The following SH3GLB2 variants were observed in gnomAD, a reference collection of about 807,000 sequenced individuals.
SH3GLB2 encodes SH3 domain containing GRB2 like, endophilin B2, also known as endophilin-B2.
A neutral mutation model predicts 48.0 loss-of-function variants in SH3GLB2; 24 were observed. That is an observed-to-expected ratio of 0.50 (90% CI 0.36 to 0.70). SH3GLB2 has a LOEUF of 0.70. Ranked by LOEUF, SH3GLB2 falls within the 30% of genes least tolerant of loss-of-function variation. The probability of loss-of-function intolerance (pLI) is 0.00; values close to 1 mark genes in which losing one functional copy is unlikely to be tolerated. For missense variants in SH3GLB2, 425 were observed against 516.0 expected (o/e 0.82, Z 1.71); for synonymous variants, 227 against 207.6 (o/e 1.09, Z -0.80).
At chr9:129,020,294 TG>T (rs1309156527) in intron 3 of SH3GLB2, among the ~76,000 whole-genome samples, 4 of 134,380 alleles carry the variant, frequency 3.0e-5, no homozygotes, top group Middle Eastern at 5.2e-3. Flanking sequence ...ATAGGCCAGG[TG>T]CGGTGGCTCA....
At chr9:129,026,282 G>A (rs973312596) in intron 1 of SH3GLB2, among the ~76,000 whole-genome samples, 1 of 152,166 alleles carries the variant, frequency 6.6e-6, no homozygotes, top group Non-Finnish European at 1.5e-5. Flanking sequence ...CCCATCACAT[G>A]TATTGATCAT....
In SH3GLB2 at chr9:129,013,135, C is replaced by T. The variant is rs573909596; in HGVS notation, c.562-837G>A. 87 of 1,204,674 alleles carry T rather than the reference C, an allele frequency of 7.2e-5. No homozygotes were observed. In the African/African-American group the frequency reaches 1.0e-3, roughly 14 times the overall value. The allele number at this position is 1,204,674 out of a possible 1,614,324, so 74.6% of individuals were successfully genotyped here. A position where few individuals can be genotyped will look rare whatever the true frequency, so the allele number is the denominator to read the frequency against. On this transcript the variant is annotated intron_variant, in intron 5 of 10. Coordinates refer to ENST00000372564, the MANE Select transcript of SH3GLB2 (RefSeq NM_020145.4). ...CCAGTGGGAGGGGACACCAGGCGGT[C>T]GGGCGGAGGGAGGCACCACAGCCTG...
rs1326028679 is a variant in SH3GLB2 at position 129,014,536 on chromosome 9, T to C, written c.469-33A>G. On this transcript the variant is annotated intron_variant, in intron 4 of 10. Coordinates refer to ENST00000372564, the MANE Select transcript of SH3GLB2 (RefSeq NM_020145.4). The surrounding 1 kb of genome is among the most constrained non-coding windows in gnomAD (Gnocchi z 4.1). ...GCAGGGCATGGGGACAGTGAGACCC[T>C]GGGCTGCCCTGGGAGACCCTGAGCC... 11 of 1,546,688 alleles carry C rather than the reference T, an allele frequency of 7.1e-6. No homozygotes were observed. In the Admixed American group the frequency reaches 9.8e-5, roughly 14 times the overall value.
At chr9:129,020,255 AAT>A (rs1209614148) in intron 3 of SH3GLB2, among the ~76,000 whole-genome samples, 1 of 149,038 alleles carries the variant, frequency 6.7e-6, no homozygotes, top group Admixed American at 6.8e-5. Context: ...GATAGCACAC[AAT>A]ATGATTCCAT....
At position 129,016,341 on chromosome 9, in the gene SH3GLB2, TTAAAA is replaced by T. The variant is rs1489728148; in HGVS notation, c.335-1442_335-1438del. 3.1e-3 allele frequency among the ~76,000 whole-genome samples: 343 copies of T among 111,116 alleles called. 13 individuals are homozygous for T. Among genetic ancestry groups the T allele is most frequent in the African/African-American group, 0.011 (299 of 27,310 alleles). 72.9% of individuals were successfully genotyped at this position (111,116 alleles called of 152,430 possible). The stretch of plus-strand genomic sequence containing the variant: ...CTGGGCAACAAGAGCAAGACTGTCT[TTAAAA>T]AAAAAAAAAAAAAAAAAAAAAAAAA... On this transcript the variant is annotated intron_variant, in intron 3 of 10. Coordinates refer to ENST00000372564, the MANE Select transcript of SH3GLB2 (RefSeq NM_020145.4).
rs1273865083 is a variant in SH3GLB2, at chr9:129,014,876, A to C, written c.363T>G (p.Ala121=). 1 of 1,613,916 alleles carries C rather than the reference A, an allele frequency of 6.2e-7. No individual in the cohort carries two copies. The highest frequency in any genetic ancestry group is 8.5e-7 in the Non-Finnish European group (1 of 1,180,028). Residue 121 remains alanine, a synonymous_variant, in exon 4 of 11, where the codon GCT becomes GCG. Coordinates refer to ENST00000372564, the MANE Select transcript of SH3GLB2 (RefSeq NM_020145.4). This position sits in a 1 kb window ranked among gnomAD's most constrained non-coding sequence, Gnocchi z 4.1. ...TCTCCGCGGCTCCCAGTTGCTTTTC[A>C]GCTTCTGCCACCTTGATCAGTGTCT... ...YGKTLIKVAE[A]EKQLGAAERD...
intron 10 of SH3GLB2, 46 bp from the exon 11 acceptor site, chr9:129,008,837 G>T: frequency 6.4e-7 from 1 of 1,565,712 alleles, no homozygotes. Context: ...GCCAAGGGTG[G>T]AACTGGCCCC....
intron 2 of SH3GLB2, 100 bp from the exon 3 acceptor site, chr9:129,021,319 G>C (rs1434274573): frequency 7.1e-7 from 1 of 1,401,622 alleles, no homozygotes; most frequent in East Asian, 2.5e-5. Context: ...AGGTGCACCT[G>C]GCCTGCTGAC....
In SH3GLB2 at chr9:129,009,003, A is replaced by C; in HGVS notation, c.1080+103T>G. On this transcript the variant is annotated intron_variant, in intron 10 of 10. Coordinates refer to ENST00000372564, the MANE Select transcript of SH3GLB2 (RefSeq NM_020145.4). ...TGCCCTCTTTAACCTGCTGGTCCCC[A>C]CTTTGCCAACAGGGCCCCTCCAGGC... The C allele has an allele frequency of 3.2e-6, 5 of 1,551,664 alleles. No individual in the cohort carries two copies. In the Admixed American group the frequency reaches 8.9e-5, roughly 28 times the overall value.
In SH3GLB2 at chr9:129,009,138, C is replaced by A; in HGVS notation, c.1048G>T (p.Asp350Tyr). Reference protein sequence around the residue: ...ARVLYDYEAADSSELALLADE... With the variant: ...ARVLYDYEAAYSSELALLADE... Reference sequence around the variant, plus strand: ...GCCAGCAGGGCCAGCTCACTGCTGTCGGCTGCCTCGTAGTCATAGAGCACC... The same window carrying A: ...GCCAGCAGGGCCAGCTCACTGCTGTAGGCTGCCTCGTAGTCATAGAGCACC... The change falls in exon 10 of 11, where the codon GAC becomes TAC. Residue 350 changes from aspartate (D) to tyrosine (Y), a missense_variant. Transcript: ENST00000372564. 6.2e-7 allele frequency: 1 copy of A among 1,610,600 alleles called. No homozygotes were observed. The highest frequency in any genetic ancestry group is 1.1e-5 in the South Asian group (1 of 91,074).
chr9:129,023,710 G>A (rs1588338137), intron 1 of SH3GLB2, among the ~76,000 whole-genome samples: 1 of 152,130 alleles, frequency 6.6e-6, no homozygotes, highest in African/African-American at 2.4e-5. Flanking sequence ...GCCACCAGGA[G>A]CTCAGCAGCC....
intron 3 of SH3GLB2, among the ~76,000 whole-genome samples, chr9:129,016,248 C>T (rs1448177928): frequency 6.9e-6 from 1 of 144,912 alleles, no homozygotes; most frequent in Non-Finnish European, 1.5e-5. Context: ...GAGACTGAGG[C>T]AGGAGAATTG....
rs560359496 is a variant in SH3GLB2 at position 129,028,162 on chromosome 9, CCGCACGGCCGCCG to C, written c.-21_-9del. 6,500 of 1,445,482 alleles carry C rather than the reference CCGCACGGCCGCCG, an allele frequency of 4.5e-3. 53 individuals carry two copies. Among genetic ancestry groups the C allele is most frequent in the African/African-American group, 0.037 (2,496 of 67,380 alleles). The allele number at this position is 1,445,482 out of a possible 1,614,324, so 89.5% of individuals were successfully genotyped here. On this transcript the variant is annotated 5_prime_UTR_variant, in exon 1 of 11. Transcript: ENST00000372564. ...CTTCATGTTGAAGTCCATGGCGTGC[CCGCACGGCCGCCG>C]CGCACGGCCCGAGCGCAGCCGGCAG...
chr9:129,020,906 A>AC (rs1240294706), intron 3 of SH3GLB2, among the ~76,000 whole-genome samples, 185 bp downstream of exon 3: 3 of 146,128 alleles, frequency 2.1e-5, no homozygotes, highest in African/African-American at 7.7e-5. Flanking sequence ...CACACACACA[A>AC]ACCAAAACTG....
At chr9:129,020,749 A>G (rs1209101607) in intron 3 of SH3GLB2, among the ~76,000 whole-genome samples, 1 of 151,946 alleles carries the variant, frequency 6.6e-6, no homozygotes, top group Non-Finnish European at 1.5e-5. Context: ...GGGCGCCTGT[A>G]GTCCCAGCTA....
chr9:129,023,124 G>A (rs764110333), intron 1 of SH3GLB2, among the ~76,000 whole-genome samples: 12 of 152,192 alleles, frequency 7.9e-5, no homozygotes, highest in Non-Finnish European at 1.6e-4. Context: ...CCCCACGTAA[G>A]GCACCGGTGC....
rs1842858380 is a variant in SH3GLB2, at chr9:129,007,977, G to A, written c.*707C>T. On this transcript the variant is annotated 3_prime_UTR_variant, in exon 11 of 11. Coordinates refer to ENST00000372564, the MANE Select transcript of SH3GLB2 (RefSeq NM_020145.4). The stretch of plus-strand genomic sequence containing the variant: ...CACTCTGTGGAAGAGTGGGGCAGAG[G>A]GTGAGTCTACCTTTCCCTTTACCAC... The A allele has an allele frequency of 6.6e-6, 1 of 152,264 alleles. No individual in the cohort carries two copies. The highest frequency in any genetic ancestry group is 2.1e-4 in the South Asian group (1 of 4,836). 9.4% of individuals were successfully genotyped at this position (152,264 alleles called of 1,614,324 possible).
Position 129,014,683 on chromosome 9 carries a change from C to A in SH3GLB2, c.468+88G>T. The A allele has an allele frequency of 6.4e-7, 1 of 1,554,392 alleles. No homozygotes were observed. The highest frequency in any genetic ancestry group is 8.7e-7 in the Non-Finnish European group (1 of 1,148,262). On this transcript the variant is annotated intron_variant, in intron 4 of 10. Coordinates refer to ENST00000372564, the MANE Select transcript of SH3GLB2 (RefSeq NM_020145.4). This position sits in a 1 kb window ranked among gnomAD's most constrained non-coding sequence, Gnocchi z 4.1. ...GGGAGGCCTCAGGAGTTTTGTAGCC[C>A]CAGCACTGGAAGAGAGCCTGTACTC...
At chr9:129,022,818 G>A (rs1843892749) in intron 1 of SH3GLB2, among the ~76,000 whole-genome samples, 1 of 152,204 alleles carries the variant, frequency 6.6e-6, no homozygotes, top group Non-Finnish European at 1.5e-5. Flanking sequence ...GACAAACAGG[G>A]CAGGGAGTAG....
Sources: allele counts gnomAD v4.1 joint callset (sites outside exome capture counted in the v4.1 genomes callset), GRCh38; gene constraint gnomAD v4.1.1; non-coding constraint Gnocchi (gnomAD v3.1); transcripts MANE v1.5; gene names NCBI Gene and HGNC (gene_info 2026-07-23, HGNC 2026-07-21).